WDPCP: variants seen among roughly 807,000 people sequenced by gnomAD.
WDPCP encodes the protein WD repeat containing planar cell polarity effector.
In WDPCP, 71 loss-of-function variants were observed where a neutral mutation model predicts 93.1. The observed-to-expected ratio is 0.76, with a 90% CI of 0.63 to 0.93. The LOEUF (loss-of-function observed/expected upper bound fraction) is 0.93, where lower values mean the gene tolerates loss of function less well. Among genes scored for constraint, WDPCP ranks in the 40% least tolerant of loss-of-function variants. The pLI is 0.00. For synonymous variants in WDPCP, 315 were observed against 315.0 expected, an observed-to-expected ratio of 1.00 and a Z score of 0.00; for missense variants, 844 against 887.4, an observed-to-expected ratio of 0.95 and a Z score of 0.62.
chr2:63,369,464 T>C (rs1353326436), intron 12 of WDPCP: 1 of 456,486 alleles, frequency 2.2e-6, no homozygotes, highest in East Asian at 7.0e-5. Flanking sequence ...ACTCACTGAA[T>C]AAAAGTACCA....
intron 1 of WDPCP, among the ~76,000 whole-genome samples, chr2:63,577,767 G>T (rs1708214196): frequency 6.6e-6 from 1 of 152,086 alleles, no homozygotes. Flanking sequence ...TATTTGAACA[G>T]CAAACACAAA....
chr2:63,123,038 C>T (rs1193153864), intron 17 of WDPCP, among the ~76,000 whole-genome samples: 1 of 129,334 alleles, frequency 7.7e-6, no homozygotes, highest in Non-Finnish European at 1.6e-5. Flanking sequence ...CCTTGATGTA[C>T]ACAAAATTGA....
chr2:63,434,566 C>T (rs768476098), intron 8 of WDPCP, among the ~76,000 whole-genome samples: 3 of 152,020 alleles, frequency 2.0e-5, no homozygotes, highest in Non-Finnish European at 4.4e-5. Context: ...AACATAAGCA[C>T]GGCACCATCT....
intron 2 of WDPCP, among the ~76,000 whole-genome samples, chr2:63,765,132 A>G (rs1670118318): frequency 6.6e-6 from 1 of 152,252 alleles, no homozygotes; most frequent in Non-Finnish European, 1.5e-5. Flanking sequence ...ATAGGACTAC[A>G]TAAATATTGA....
At chr2:63,569,162 A>G (rs982893711) in intron 1 of WDPCP, among the ~76,000 whole-genome samples, 2 of 152,248 alleles carry the variant, frequency 1.3e-5, no homozygotes, top group Non-Finnish European at 2.9e-5. Flanking sequence ...TTGAACAAAG[A>G]AACAAGCTGC....
Position 63,289,196 on chromosome 2 carries a change from A to G in WDPCP, c.1812+24052T>C, listed in dbSNP as rs547805671. Among the ~76,000 whole-genome samples, 3 of 152,224 alleles carry G rather than the reference A, an allele frequency of 2.0e-5. No homozygotes were observed. In the South Asian group the frequency reaches 6.2e-4, roughly 32 times the overall value. ...TTCATGAAACTTTTTCTCACCAGTT[A>G]TAGCATCCATTATGGATTCTTGTCT... On this transcript the variant is annotated intron_variant, in intron 13 of 17. Coordinates refer to ENST00000272321, the MANE Select transcript of WDPCP (RefSeq NM_015910.7).
At chr2:63,573,878 G>C (rs1356618376) in intron 1 of WDPCP, among the ~76,000 whole-genome samples, 1 of 151,968 alleles carries the variant, frequency 6.6e-6, no homozygotes, top group Non-Finnish European at 1.5e-5. Context: ...GGCCGCTTCA[G>C]GGGGCAGCCG....
chr2:63,441,266 C>A (rs765090135), intron 6 of WDPCP: 1 of 152,020 alleles, frequency 6.6e-6, no homozygotes, highest in African/African-American at 2.4e-5. Context: ...CTACCACATA[C>A]CTTAATGGCA....
chr2:63,178,515 A>C (rs572237587), intron 14 of WDPCP, among the ~76,000 whole-genome samples: 287 of 152,232 alleles, frequency 1.9e-3, no homozygotes, highest in Non-Finnish European at 3.5e-3. Flanking sequence ...ATATTCTCTT[A>C]CAACCCTCTT....
rs768221267 is a variant in WDPCP, at chr2:63,251,531, G to A, written c.1915+7776C>T. Among the ~76,000 whole-genome samples, 19 of 125,400 alleles carry A rather than the reference G, an allele frequency of 1.5e-4. 1 individual carries two copies. The highest frequency in any genetic ancestry group is 1.9e-4 in the Non-Finnish European group (12 of 63,888). 82.3% of individuals were successfully genotyped at this position (125,400 alleles called of 152,430 possible). A position where few individuals can be genotyped will look rare whatever the true frequency, so the allele number is the denominator to read the frequency against. On this transcript the variant is annotated intron_variant, in intron 14 of 17. Transcript: ENST00000272321. ...TTTTGAGACAGAGTCTCGCTCTGTC[G>A]TCGAGGCTGGAGTGCAGTGGCATGA...
chr2:63,762,376 T>C (rs1210684953), intron 2 of WDPCP, among the ~76,000 whole-genome samples: 2 of 152,280 alleles, frequency 1.3e-5, no homozygotes, highest in East Asian at 3.9e-4. Context: ...ATAACATTTG[T>C]ACACTGAGGA....
intron 12 of WDPCP, among the ~76,000 whole-genome samples, chr2:63,359,400 A>G (rs980815679): frequency 6.6e-6 from 1 of 152,258 alleles, no homozygotes; most frequent in Non-Finnish European, 1.5e-5. Context: ...AAGATAGAAC[A>G]TAAGTACATG....
chr2:63,530,088 CTT>C (rs1224368053), intron 1 of WDPCP, among the ~76,000 whole-genome samples: 30 of 152,104 alleles, frequency 2.0e-4, no homozygotes, highest in African/African-American at 7.0e-4. Flanking sequence ...ATTTTTCTCT[CTT>C]TTCTTCTTTA....
At chr2:63,240,187 T>C (rs1425953651) in intron 14 of WDPCP, among the ~76,000 whole-genome samples, 1 of 152,140 alleles carries the variant, frequency 6.6e-6, no homozygotes, top group Non-Finnish European at 1.5e-5. Flanking sequence ...TTAGTATTTT[T>C]TGTTTTTTAT....
chr2:63,660,834 G>T (rs1007749025), intron 2 of WDPCP, among the ~76,000 whole-genome samples: 1 of 152,194 alleles, frequency 6.6e-6, no homozygotes, highest in African/African-American at 2.4e-5. Flanking sequence ...GGAGTTTAGT[G>T]AGAACTCTTC....
chr2:63,239,479 C>A (rs1279250447), intron 14 of WDPCP, among the ~76,000 whole-genome samples: 2 of 152,090 alleles, frequency 1.3e-5, no homozygotes, highest in Non-Finnish European at 2.9e-5. Context: ...AAACAAGATA[C>A]ATGATTGTAA....
intron 2 of WDPCP, among the ~76,000 whole-genome samples, 166 bp downstream of exon 2, chr2:63,492,690 G>C (rs947455481): frequency 6.6e-6 from 1 of 151,930 alleles, no homozygotes; most frequent in Non-Finnish European, 1.5e-5. Context: ...AATATTGTTA[G>C]TAAGAGTAAT....
At chr2:63,293,277 G>A (rs1575076220) in intron 13 of WDPCP, among the ~76,000 whole-genome samples, 1 of 152,262 alleles carries the variant, frequency 6.6e-6, no homozygotes, top group East Asian at 1.9e-4. Context: ...CATTCCAAGG[G>A]CAGGAAAAGT....
intron 2 of WDPCP, 55 bp from the exon 3 acceptor site, chr2:63,487,549 G>A (rs1575511328): frequency 7.5e-7 from 1 of 1,328,236 alleles, no homozygotes; most frequent in Admixed American, 1.7e-5. Context: ...CAGAGAATAA[G>A]AAGCCAAGCC....
Sources: gnomAD v4.1 joint callset for allele counts (sites outside exome capture counted in the v4.1 genomes callset) on GRCh38, gnomAD v4.1.1 for gene constraint, MANE v1.5 for transcripts, NCBI Gene and HGNC (gene_info 2026-07-23, HGNC 2026-07-21) for gene names.